HEATR4: variants seen among roughly 807,000 people sequenced by gnomAD.
HEATR4 encodes HEAT repeat-containing protein 4.
In HEATR4, 95 loss-of-function variants were observed where a neutral mutation model predicts 108.8. The ratio of observed to expected loss-of-function variants is 0.87; its 90% CI spans 0.74 to 1.04. The LOEUF is 1.04. HEATR4 is among the 50% of genes least tolerant of loss of function. The probability of loss-of-function intolerance (pLI) is 0.00; values close to 1 mark genes in which losing one functional copy is unlikely to be tolerated. For missense variants in HEATR4, 1,152 were observed against 1,253.8 expected (o/e 0.92, Z 1.23); for synonymous variants, 443 against 459.4 (o/e 0.96, Z 0.46).
At chr14:73,617,729 G>A in the HEATR4 span, among the ~76,000 whole-genome samples, 1 of 152,134 alleles carries the variant, frequency 6.6e-6, no homozygotes, top group East Asian at 1.9e-4. Flanking sequence ...GACAACTGGA[G>A]ACATTTGAAT....
chr14:73,528,302 G>A (rs1888470208), intron 2 of HEATR4, among the ~76,000 whole-genome samples: 1 of 142,306 alleles, frequency 7.0e-6, no homozygotes, highest in South Asian at 2.2e-4. Context: ...GGCTGAGGCA[G>A]AATCGCTTGA....
At chr14:73,504,393 C>T (rs2140267791) in intron 10 of HEATR4, among the ~76,000 whole-genome samples, 1 of 152,266 alleles carries the variant, frequency 6.6e-6, no homozygotes, top group South Asian at 2.1e-4. Flanking sequence ...CAGGTGCCTG[C>T]CACCACACCC....
chr14:73,495,178 G>A, intron 16 of HEATR4, 50 bp downstream of exon 16: 1 of 1,530,382 alleles, frequency 6.5e-7, no homozygotes, highest in Non-Finnish European at 8.9e-7. Context: ...GATCCTGGAA[G>A]AGGCTTATTA....
chr14:73,565,531 G>A, the HEATR4 span, among the ~76,000 whole-genome samples: 1 of 151,840 alleles, frequency 6.6e-6, no homozygotes, highest in South Asian at 2.1e-4. Flanking sequence ...GGACCCTCAC[G>A]GGAGCATTAC....
the HEATR4 span, chr14:73,631,408 C>T: frequency 6.6e-6 from 1 of 152,342 alleles, no homozygotes; most frequent in South Asian, 2.0e-4. Flanking sequence ...CTTCAGCCTC[C>T]TGAGTAGCTA....
At chr14:73,618,121 C>CA in the HEATR4 span, among the ~76,000 whole-genome samples, 3 of 151,648 alleles carry the variant, frequency 2.0e-5, no homozygotes, top group Non-Finnish European at 2.9e-5. Context: ...CTAGACTGGG[C>CA]AACAAGAATG....
chr14:73,559,602 C>T (rs141593763), upstream of HEATR4, among the ~76,000 whole-genome samples: 677 of 151,948 alleles, frequency 4.5e-3, 10 homozygotes, highest in African/African-American at 0.016. Flanking sequence ...ATCACCTGGG[C>T]CTGGTGGCGC....
At chr14:73,623,975 C>T in the HEATR4 span, among the ~76,000 whole-genome samples, 3 of 152,168 alleles carry the variant, frequency 2.0e-5, no homozygotes, top group Non-Finnish European at 4.4e-5. Context: ...GTACAGCCTG[C>T]AGAACCGTGA....
chr14:73,502,253 G>A (rs1003735677), intron 11 of HEATR4, among the ~76,000 whole-genome samples: 2 of 151,928 alleles, frequency 1.3e-5, no homozygotes, highest in Admixed American at 6.6e-5. Context: ...GCCACGCTGA[G>A]TATTCCATTT....
the HEATR4 span, among the ~76,000 whole-genome samples, chr14:73,564,215 T>C: frequency 4.0e-5 from 6 of 150,526 alleles, no homozygotes; most frequent in African/African-American, 1.5e-4. Context: ...GGTGAATCGC[T>C]GGAACCCGGG....
intron 15 of HEATR4, 25 bp downstream of exon 15, chr14:73,496,576 G>C (rs1462730099): frequency 9.4e-6 from 14 of 1,489,124 alleles, no homozygotes; most frequent in Non-Finnish European, 1.3e-5. Context: ...ATTTTCTCTT[G>C]AGAACAGAGC....
At position 73,491,007 on chromosome 14, in the gene HEATR4, G is replaced by C. The variant is rs752095497; in HGVS notation, c.2844+2059C>G. ...GGCCGGCCGGGCGGGGAAGACTGGT[G>C]TGGTCTGGCCATGGATGGGCTCCAG... is the stretch of plus-strand genomic sequence containing the variant. On this transcript the variant is annotated intron_variant, in intron 17 of 17. Coordinates refer to ENST00000553558, the MANE Select transcript of HEATR4 (RefSeq NM_001220484.1). The C allele has an allele frequency of 7.1e-6, 10 of 1,415,378 alleles. 1 individual carries two copies. In the South Asian group the frequency reaches 1.4e-4, roughly 20 times the overall value. 87.7% of individuals were successfully genotyped at this position (1,415,378 alleles called of 1,614,324 possible).
At chr14:73,532,763 G>A (rs1888745843) in intron 1 of HEATR4, among the ~76,000 whole-genome samples, 1 of 113,782 alleles carries the variant, frequency 8.8e-6, no homozygotes, top group African/African-American at 2.9e-5. Context: ...AACCATCCTA[G>A]CTAACACAGT....
chr14:73,491,790 T>A (rs751726471), intron 17 of HEATR4: 8 of 1,586,276 alleles, frequency 5.0e-6, no homozygotes, highest in Non-Finnish European at 6.9e-6. Context: ...GAGGTGCAGT[T>A]CGGCCAGCAT....
Position 73,514,190 on chromosome 14 carries a change from T to A in HEATR4, c.1255A>T (p.Thr419Ser). 1 of 1,614,104 alleles carries A rather than the reference T, an allele frequency of 6.2e-7. No individual in the cohort carries two copies. The highest frequency in any genetic ancestry group is 8.5e-7 in the Non-Finnish European group (1 of 1,180,018). ...TGCAGCAGCATATCCTTGGCGGGGGTGGGCAAAGCAGTCCAGCGCAGGGCT... is the reference window on the plus strand; with the variant it reads ...TGCAGCAGCATATCCTTGGCGGGGGAGGGCAAAGCAGTCCAGCGCAGGGCT... ...QGALRWTALPTPAKDMLLQVG... is the reference protein window; with the variant it reads ...QGALRWTALPSPAKDMLLQVG... The change falls in exon 6 of 18, where the codon ACC becomes TCC. Residue 419 changes from threonine (T) to serine (S), a missense_variant. Transcript: ENST00000553558.
In HEATR4 at chr14:73,522,430, G is replaced by C. The variant is rs75069466; in HGVS notation, c.723C>G (p.Tyr241Ter). Residue 241 changes from tyrosine (Y) to a stop codon, truncating the protein, a stop_gained, in exon 3 of 18, where the codon TAC (tyrosine) becomes TAG (stop). Coordinates refer to ENST00000553558, the MANE Select transcript of HEATR4 (RefSeq NM_001220484.1). LOFTEE classifies it high-confidence loss of function. ...NKWQSFLRQQYDWSHIRDELT... is the reference protein window; with the variant it reads ...NKWQSFLRQQ ...GCTCATCCCGAATGTGACTCCAGTC[G>C]TACTGCTGGCGCAGGAAGCTCTGCC... 6.2e-7 allele frequency: 1 copy of C among 1,614,186 alleles called. No homozygotes were observed. The highest frequency in any genetic ancestry group is 1.7e-5 in the Admixed American group (1 of 60,022).
the HEATR4 span, chr14:73,619,469 C>T: frequency 6.2e-7 from 1 of 1,614,166 alleles, no homozygotes; most frequent in Non-Finnish European, 8.5e-7. Flanking sequence ...TGGAGCAATC[C>T]ACTGGAGGAA....
the HEATR4 span, among the ~76,000 whole-genome samples, chr14:73,621,403 T>C: frequency 6.6e-6 from 1 of 152,174 alleles, no homozygotes; most frequent in East Asian, 1.9e-4. Flanking sequence ...TGTCATGTTA[T>C]ACCTACCAAA....
the HEATR4 span, among the ~76,000 whole-genome samples, chr14:73,603,610 C>T: frequency 2.0e-5 from 3 of 152,046 alleles, no homozygotes; most frequent in Non-Finnish European, 4.4e-5. Flanking sequence ...ACCTCAGCCT[C>T]CCATATTTTA....
Sources: gnomAD v4.1 joint callset for allele counts (sites outside exome capture counted in the v4.1 genomes callset) on GRCh38, gnomAD v4.1.1 for gene constraint, MANE v1.5 for transcripts, NCBI Gene and HGNC (gene_info 2026-07-23, HGNC 2026-07-21) for gene names.